Variants in MYO3A observed in about 807,000 individuals in gnomAD.
The protein encoded by MYO3A is myosin IIIA.
In MYO3A, 180 loss-of-function variants were observed where a neutral mutation model predicts 192.7. The observed-to-expected ratio is 0.93, with a 90% CI of 0.83 to 1.06. The LOEUF is 1.06. Ranked by LOEUF, MYO3A falls within the 50% of genes least tolerant of loss-of-function variation. MYO3A has a pLI of 0.00. For missense variants in MYO3A, 1,896 were observed against 1,905.0 expected (o/e 1.00, Z 0.09); for synonymous variants, 628 against 645.3 (o/e 0.97, Z 0.41).
At chr10:26,188,237 G>A (rs1221446659) in intron 31 of MYO3A, among the ~76,000 whole-genome samples, 2 of 152,146 alleles carry the variant, frequency 1.3e-5, no homozygotes, top group African/African-American at 2.4e-5. Context: ...TTTCTCTGAT[G>A]GCCAGTGATG....
chr10:26,168,838 G>A lies in MYO3A; in HGVS notation c.3238G>A (p.Glu1080Lys), dbSNP rs752508220. ...LCSRRYQKIQEKRKESAIIIQ... is the reference protein window; with the variant it reads ...LCSRRYQKIQKKRKESAIIIQ... ...TTCAAGAAGATACCAAAAAATACAG[G>A]AGAAAAGGAAAGAAAGCGCTATAAT... Residue 1080 changes from glutamate (E) to lysine (K), a missense_variant, in exon 28 of 35, where the codon GAG becomes AAG. Transcript: ENST00000642920. The A allele has an allele frequency of 6.2e-7, 1 of 1,612,302 alleles. No homozygotes were observed. Among genetic ancestry groups the A allele is most frequent in the Non-Finnish European group, 8.5e-7 (1 of 1,179,514 alleles).
chr10:26,040,790 T>TAAAA (rs1843302466), intron 10 of MYO3A, among the ~76,000 whole-genome samples: 1 of 152,162 alleles, frequency 6.6e-6, no homozygotes, highest in African/African-American at 2.4e-5. Flanking sequence ...AAAAATATTT[T>TAAAA]AAGACTTGTT....
At position 26,048,477 on chromosome 10, in the gene MYO3A, G is replaced by A. The variant is rs190995592; in HGVS notation, c.954-18498G>A. Among the ~76,000 whole-genome samples, 20 of 151,986 alleles carry A rather than the reference G, an allele frequency of 1.3e-4. No individual in the cohort carries two copies. The East Asian group carries it at 3.7e-3, about 28-fold the overall frequency. ...AATGCCAGTCTTGGAACTAGAAATT[G>A]AAATGGAATATTATTATTTCATGTC... On this transcript the variant is annotated intron_variant, in intron 10 of 34. Transcript: ENST00000642920.
At chr10:26,180,105 G>C (rs774352388) in intron 31 of MYO3A, among the ~76,000 whole-genome samples, 26 of 152,174 alleles carry the variant, frequency 1.7e-4, no homozygotes, top group Non-Finnish European at 3.2e-4. Context: ...AAAGTGCTGG[G>C]ATTACAAGTG....
chr10:25,940,048 A>G (rs772423037), intron 2 of MYO3A, among the ~76,000 whole-genome samples: 16 of 152,042 alleles, frequency 1.1e-4, no homozygotes, highest in Non-Finnish European at 1.8e-4. Context: ...TGAGGATTAC[A>G]TGGTACCATT....
intron 32 of MYO3A, among the ~76,000 whole-genome samples, chr10:26,194,458 G>T (rs145539252): frequency 7.9e-5 from 12 of 152,060 alleles, no homozygotes; most frequent in Non-Finnish European, 1.8e-4. Context: ...CCTCTGGCTG[G>T]TCCCTCCATT....
chr10:26,176,851 A>C lies in MYO3A; in HGVS notation c.4438+6A>C, dbSNP rs778300110. 3.1e-6 allele frequency: 5 copies of C among 1,613,918 alleles called. No individual in the cohort carries two copies. Among genetic ancestry groups the C allele is most frequent in the Non-Finnish European group, 4.2e-6 (5 of 1,179,812 alleles). On this transcript the variant is annotated splice_donor_region_variant and intron_variant, in intron 31 of 34. Transcript: ENST00000642920. ...TTCTCAGCAGTGCCTCTCAGGTAAA[A>C]ATCAGTAGAGTTAGAACTTCCTGAA...
chr10:26,077,722 G>A (rs530420442), intron 14 of MYO3A, among the ~76,000 whole-genome samples: 12 of 151,960 alleles, frequency 7.9e-5, no homozygotes, highest in Non-Finnish European at 1.6e-4. Flanking sequence ...GCTGGATTTT[G>A]TCAAATGCTT....
chr10:26,210,145 AG>A (rs1246622301), intron 34 of MYO3A, among the ~76,000 whole-genome samples: 31 of 150,112 alleles, frequency 2.1e-4, no homozygotes, highest in South Asian at 6.4e-4. Flanking sequence ...GAAGGAAGGA[AG>A]GAAGAAAGGA....
intron 10 of MYO3A, among the ~76,000 whole-genome samples, chr10:26,037,317 A>G (rs373330511): frequency 6.6e-6 from 1 of 152,194 alleles, no homozygotes; most frequent in African/African-American, 2.4e-5. Context: ...TGAATTGAAG[A>G]GTTTGGGTTG....
At chr10:25,966,977 C>G (rs1281939384) in intron 4 of MYO3A, among the ~76,000 whole-genome samples, 1 of 152,102 alleles carries the variant, frequency 6.6e-6, no homozygotes, top group East Asian at 1.9e-4. Flanking sequence ...ACTACAATTA[C>G]CTCATCATTA....
At chr10:26,003,920 A>G (rs1341244565) in intron 6 of MYO3A, among the ~76,000 whole-genome samples, 3 of 152,202 alleles carry the variant, frequency 2.0e-5, no homozygotes, top group South Asian at 2.1e-4. Context: ...TCCCCAATGC[A>G]TAATGTAGGT....
In MYO3A at chr10:26,012,147, T is replaced by C. The variant is rs887306504; in HGVS notation, c.509-4673T>C. Among the ~76,000 whole-genome samples the C allele has an allele frequency of 1.1e-4, 16 of 152,246 alleles. No individual in the cohort carries two copies. In the East Asian group the frequency reaches 3.1e-3, roughly 29 times the overall value. On this transcript the variant is annotated intron_variant, in intron 6 of 34. Transcript: ENST00000642920. ...GACAAACACACAGCCACCATCATAC[T>C]GAATGGGGAAAAGTTGAAAGCTTTC...
At chr10:26,096,243 C>T in intron 15 of MYO3A, 138 bp from the exon 16 acceptor site, 2 of 658,034 alleles carry the variant, frequency 3.0e-6, no homozygotes, top group South Asian at 1.9e-5. Context: ...ACAATAATGA[C>T]CACAGAAAGC....
At chr10:26,089,062 C>T (rs1360602215) in intron 15 of MYO3A, among the ~76,000 whole-genome samples, 1 of 152,170 alleles carries the variant, frequency 6.6e-6, no homozygotes, top group Non-Finnish European at 1.5e-5. Flanking sequence ...TGCTTAAAAG[C>T]ATGGCAAGTT....
intron 10 of MYO3A, among the ~76,000 whole-genome samples, chr10:26,043,816 G>A (rs72793963): frequency 0.16 from 24,700 of 152,090 alleles, 2,291 homozygotes; most frequent in Non-Finnish European, 0.21. Context: ...TGCCCCTGTG[G>A]CAAAGCTGGT....
At chr10:25,987,820 C>T (rs892638917) in intron 4 of MYO3A, among the ~76,000 whole-genome samples, 1 of 152,264 alleles carries the variant, frequency 6.6e-6, no homozygotes, top group Non-Finnish European at 1.5e-5. Flanking sequence ...AAAAGTAAAT[C>T]TACCATTTGA....
In MYO3A at chr10:26,136,441, T is replaced by A. The variant is rs11014967; in HGVS notation, c.2263-7007T>A. On this transcript the variant is annotated intron_variant, in intron 20 of 34. Transcript: ENST00000642920. ...GAACTAAGTGTTCCCTGTCACTGCA[T>A]ATACCAGCCTTTTATAAAAGAAAGA... Among the ~76,000 whole-genome samples, 1,391 of 152,350 alleles carry A rather than the reference T, an allele frequency of 9.1e-3. 22 individuals carry two copies. Among genetic ancestry groups the A allele is most frequent in the African/African-American group, 0.031 (1,279 of 41,568 alleles).
chr10:26,012,833 A>G (rs1490927848), intron 6 of MYO3A, among the ~76,000 whole-genome samples: 7 of 152,172 alleles, frequency 4.6e-5, no homozygotes, highest in Non-Finnish European at 8.8e-5. Flanking sequence ...AACAAAAACA[A>G]AAAACAAATC....
Sources: gnomAD v4.1 joint callset for allele counts (sites outside exome capture counted in the v4.1 genomes callset) on GRCh38, gnomAD v4.1.1 for gene constraint, MANE v1.5 for transcripts, NCBI Gene and HGNC (gene_info 2026-07-23, HGNC 2026-07-21) for gene names.